EMD: variants seen among roughly 807,000 people sequenced by gnomAD.
EMD encodes the protein emerin.
A neutral mutation model predicts 15.2 loss-of-function variants in EMD; 2 were observed. That is an observed-to-expected ratio of 0.13 (90% CI 0.05 to 0.41). The LOEUF is 0.41. EMD is among the 10% of genes least tolerant of loss of function. EMD has a pLI of 0.99. For missense variants in EMD, 224 were observed against 213.4 expected (o/e 1.05, Z -0.31); for synonymous variants, 122 against 86.2 (o/e 1.42, Z -2.30).
Position 154,380,869 on chromosome X carries a change from T to G in EMD, c.450-13T>G, listed in dbSNP as rs375480222. Reference sequence around the variant, plus strand: ...CAGGCTCCTGGCCCACTTGCTCCCCTCTTTTGCCTCAGGGAACGCCCCATG... The same window carrying G: ...CAGGCTCCTGGCCCACTTGCTCCCCGCTTTTGCCTCAGGGAACGCCCCATG... On this transcript the variant is annotated splice_polypyrimidine_tract_variant and intron_variant, in intron 5 of 5. Coordinates refer to ENST00000369842, the MANE Select transcript of EMD (RefSeq NM_000117.3). 4.1e-6 allele frequency: 5 copies of G among 1,210,393 alleles called. No homozygotes were observed. Among genetic ancestry groups the G allele is most frequent in the Admixed American group, 4.4e-5 (2 of 45,969 alleles).
Position 154,380,918 on chromosome X carries a change from G to A in EMD, c.486G>A (p.Gln162=), listed in dbSNP as rs781879653. The part of the protein sequence containing the change: ...RPMYGRDSAY[Q]SITHYRPVSA... Reference sequence around the variant, plus strand: ...TGTACGGCCGGGACAGTGCCTACCAGAGCATCACGCACTACCGCCCTGTTT... The same window carrying A: ...TGTACGGCCGGGACAGTGCCTACCAAAGCATCACGCACTACCGCCCTGTTT... The change falls in exon 6 of 6, where the codon CAG becomes CAA. Residue 162 remains glutamine (Q), a synonymous_variant. Coordinates refer to ENST00000369842, the MANE Select transcript of EMD (RefSeq NM_000117.3). The A allele has an allele frequency of 2.5e-6, 3 of 1,210,104 alleles. No homozygotes were observed. The African/African-American group carries it at 5.2e-5, about 21-fold the overall frequency.
intron 2 of EMD, 47 bp downstream of exon 2, chrX:154,379,841 G>A (rs1557182334): frequency 8.5e-7 from 1 of 1,176,930 alleles, no homozygotes; most frequent in Admixed American, 2.2e-5. Context: ...GGGAGGATGG[G>A]GTCGCGAGGG....
rs781943158 is a variant in EMD, at chrX:154,380,890, C to T, written c.458C>T (p.Pro153Leu). Residue 153 changes from proline to leucine, a missense_variant, in exon 6 of 6, where the codon CCC becomes CTC. Coordinates refer to ENST00000369842, the MANE Select transcript of EMD (RefSeq NM_000117.3). ...SEEECKDRERPMYGRDSAYQS... is the reference protein window; with the variant it reads ...SEEECKDRERLMYGRDSAYQS... ...CCCCTCTTTTGCCTCAGGGAACGCC[C>T]CATGTACGGCCGGGACAGTGCCTAC... The T allele has an allele frequency of 8.3e-6, 10 of 1,210,515 alleles. No individual in the cohort carries two copies.
In EMD at chrX:154,381,509, C is replaced by T. The variant is rs967796344; in HGVS notation, c.*312C>T. On this transcript the variant is annotated 3_prime_UTR_variant, in exon 6 of 6. Transcript: ENST00000369842. ...GTTTTTGTGGACACACAATAAAAGC[C>T]CCGTTTATTTGTAATGCGTTGGCTC... 10 of 291,339 alleles carry T rather than the reference C, an allele frequency of 3.4e-5. No individual in the cohort carries two copies. The highest frequency in any genetic ancestry group is 5.9e-5 in the Admixed American group (1 of 16,894). 24.0% of individuals were successfully genotyped at this position (291,339 alleles called of 1,213,427 possible). A position where few individuals can be genotyped will look rare whatever the true frequency, so the allele number is the denominator to read the frequency against.
Position 154,379,924 on chromosome X carries a change from C to T in EMD, c.188-18C>T, listed in dbSNP as rs376439797. 2 of 1,205,214 alleles carry T rather than the reference C, an allele frequency of 1.7e-6. No homozygotes were observed. The highest frequency in any genetic ancestry group is 2.2e-6 in the Non-Finnish European group (2 of 891,138). On this transcript the variant is annotated intron_variant, in intron 2 of 5. Coordinates refer to ENST00000369842, the MANE Select transcript of EMD (RefSeq NM_000117.3). Reference sequence around the variant, plus strand: ...AGTCTGGGGGGGCAAACAGTTCTGTCTCCTCCTTTCAATCCAGACTTGAAT... The same window carrying T: ...AGTCTGGGGGGGCAAACAGTTCTGTTTCCTCCTTTCAATCCAGACTTGAAT...
At chrX:154,380,547 G>A (rs1338963102) in intron 4 of EMD, 180 bp downstream of exon 4, 1 of 873,166 alleles carries the variant, frequency 1.1e-6, no homozygotes, top group African/African-American at 2.0e-5. Context: ...GAGTCCTGGG[G>A]GCAAAAGGGG....
At position 154,381,132 on chromosome X, in the gene EMD, G is replaced by A; in HGVS notation, c.700G>A (p.Val234Ile). ...CTGGGGCCAGCTGCTGCTTTTCCTGGTCTTTGTGATCGTCCTCTTCTTCAT... is the reference window on the plus strand; with the variant it reads ...CTGGGGCCAGCTGCTGCTTTTCCTGATCTTTGTGATCGTCCTCTTCTTCAT... Reference protein sequence around the residue: ...PLWGQLLLFLVFVIVLFFIYH... With the variant: ...PLWGQLLLFLIFVIVLFFIYH... Residue 234 changes from valine (V) to isoleucine (I), a missense_variant, in exon 6 of 6, where the codon GTC becomes ATC. Physicochemically the swap from Val to Ile is conservative, Grantham distance 29. Transcript: ENST00000369842. The A allele has an allele frequency of 8.3e-7, 1 of 1,211,920 alleles. No homozygotes were observed. The highest frequency in any genetic ancestry group is 1.1e-6 in the Non-Finnish European group (1 of 895,500).
rs1276729502 is a variant in EMD, at chrX:154,379,451, C to T, written c.-34C>T. ...TCGGCCGGTTTTGGTAGGCCCGGGCCGCCGCCAGGCCTCCGCCTGAGCCCG... is the reference window on the plus strand; with the variant it reads ...TCGGCCGGTTTTGGTAGGCCCGGGCTGCCGCCAGGCCTCCGCCTGAGCCCG... On this transcript the variant is annotated 5_prime_UTR_variant, in exon 1 of 6. Transcript: ENST00000369842. The T allele has an allele frequency of 1.5e-5, 17 of 1,159,173 alleles. No individual in the cohort carries two copies. Among genetic ancestry groups the T allele is most frequent in the Non-Finnish European group, 2.0e-5 (17 of 867,974 alleles).
In EMD at chrX:154,379,677, C is replaced by T. The variant is rs201140396; in HGVS notation, c.83-13C>T. 1.1e-5 allele frequency: 13 copies of T among 1,205,810 alleles called. No individual in the cohort carries two copies. Among genetic ancestry groups the T allele is most frequent in the Non-Finnish European group, 1.5e-5 (13 of 892,160 alleles). ...CCCCGGCCCGCGGCCCTGACCGCCC[C>T]GTGTCCGGCCAGGATCAACTCGTAG... is the stretch of plus-strand genomic sequence containing the variant. On this transcript the variant is annotated splice_polypyrimidine_tract_variant and intron_variant, in intron 1 of 5. Transcript: ENST00000369842.
In EMD at chrX:154,379,586, A is replaced by AGCCCTTCCGGG. The variant is rs1557182226; in HGVS notation, c.82+20_82+21insGCCCTTCCGGG. 1 of 1,170,331 alleles carries AGCCCTTCCGGG rather than the reference A, an allele frequency of 8.5e-7. No homozygotes were observed. The highest frequency in any genetic ancestry group is 1.1e-6 in the Non-Finnish European group (1 of 874,286). ...TAGTAGGTACGCGGCGGCGGGCGGG[A>AGCCCTTCCGGG]CCCCTTCCGGGCCCCCTCCTCGTGC... On this transcript the variant is annotated intron_variant, in intron 1 of 5. Transcript: ENST00000369842.
At position 154,381,450 on chromosome X, in the gene EMD, G is replaced by A. The variant is rs2067888874; in HGVS notation, c.*253G>A. ...ATTCCTCCTTTTGTCATCTTGTTGG[G>A]GGGAGGGGATTAACCAAAGGCCACC... On this transcript the variant is annotated 3_prime_UTR_variant, in exon 6 of 6. Transcript: ENST00000369842. 2.5e-6 allele frequency: 1 copy of A among 394,442 alleles called. No individual in the cohort carries two copies. The highest frequency in any genetic ancestry group is 4.3e-6 in the Non-Finnish European group (1 of 230,621). 32.5% of individuals were successfully genotyped at this position (394,442 alleles called of 1,213,427 possible).
In EMD at chrX:154,381,425, A is replaced by C. The variant is rs956366117; in HGVS notation, c.*228A>C. The C allele has an allele frequency of 7.7e-5, 32 of 416,065 alleles. No individual in the cohort carries two copies. Among genetic ancestry groups the C allele is most frequent in the Middle Eastern group, 6.6e-4 (1 of 1,526 alleles). 34.3% of individuals were successfully genotyped at this position (416,065 alleles called of 1,213,427 possible). On this transcript the variant is annotated 3_prime_UTR_variant, in exon 6 of 6. Transcript: ENST00000369842. ...CCTCTTTGTCATTTTGTTGACATGC[A>C]TTCCTCCTTTTGTCATCTTGTTGGG...
chrX:154,381,475 CCT>C lies in EMD; in HGVS notation c.*279_*280del. 1 of 351,028 alleles carries C rather than the reference CCT, an allele frequency of 2.8e-6. No homozygotes were observed. Among genetic ancestry groups the C allele is most frequent in the Non-Finnish European group, 4.9e-6 (1 of 202,641 alleles). The allele number at this position is 351,028 out of a possible 1,213,427, so 28.9% of individuals were successfully genotyped here. ...GGGGAGGGGATTAACCAAAGGCCAC[CCT>C]GACTTTGTTTTTGTGGACACACAAT... On this transcript the variant is annotated 3_prime_UTR_variant, in exon 6 of 6. Transcript: ENST00000369842.
chrX:154,380,718 C>T, intron 4 of EMD, 35 bp from the exon 5 acceptor site: 2 of 1,208,549 alleles, frequency 1.7e-6, no homozygotes, highest in Non-Finnish European at 2.2e-6. Context: ...GGTGGCCCTG[C>T]CAGCCAGTCC....
rs375480222 is a variant in EMD, at chrX:154,380,869, T to C, written c.450-13T>C. ...CAGGCTCCTGGCCCACTTGCTCCCC[T>C]CTTTTGCCTCAGGGAACGCCCCATG... On this transcript the variant is annotated splice_polypyrimidine_tract_variant and intron_variant, in intron 5 of 5. Coordinates refer to ENST00000369842, the MANE Select transcript of EMD (RefSeq NM_000117.3). 2 of 1,211,829 alleles carry C rather than the reference T, an allele frequency of 1.7e-6. No homozygotes were observed. The highest frequency in any genetic ancestry group is 2.2e-6 in the Non-Finnish European group (2 of 895,457).
intron 4 of EMD, 183 bp from the exon 5 acceptor site, chrX:154,380,570 G>A: frequency 1.2e-6 from 1 of 832,512 alleles, no homozygotes; most frequent in African/African-American, 2.0e-5. Context: ...GCTGGGGCAT[G>A]AGCACAAGTG....
In EMD at chrX:154,381,189, C is replaced by A. The variant is rs2067886922; in HGVS notation, c.757C>A (p.Pro253Thr). ...YHFMQAEEGN[P>T]F ...CTTCATGCAGGCTGAAGAAGGCAACCCCTTCTAGAGGGAGCCATGAGGGTC... is the reference window on the plus strand; with the variant it reads ...CTTCATGCAGGCTGAAGAAGGCAACACCTTCTAGAGGGAGCCATGAGGGTC... Residue 253 changes from proline to threonine, a missense_variant, in exon 6 of 6, where the codon CCC (proline) becomes ACC (threonine). By Grantham distance (38) the Pro-to-Thr change is conservative. Transcript: ENST00000369842. 1.7e-6 allele frequency: 2 copies of A among 1,206,276 alleles called. No homozygotes were observed. The highest frequency in any genetic ancestry group is 2.2e-6 in the Non-Finnish European group (2 of 893,964).
chrX:154,379,655 C>T, intron 1 of EMD, 35 bp from the exon 2 acceptor site: 1 of 1,200,226 alleles, frequency 8.3e-7, no homozygotes, highest in African/African-American at 1.7e-5. Context: ...GCGCCTTCCC[C>T]GGCCCGCGGC....
Position 154,381,147 on chromosome X carries a change from C to T in EMD, c.715C>T (p.Leu239Phe), listed in dbSNP as rs2067886585. ...LLLFLVFVIVLFFIYHFMQAE... is the reference protein window; with the variant it reads ...LLLFLVFVIVFFFIYHFMQAE... ...GCTTTTCCTGGTCTTTGTGATCGTC[C>T]TCTTCTTCATTTACCACTTCATGCA... is the stretch of plus-strand genomic sequence containing the variant. Residue 239 changes from leucine to phenylalanine, a missense_variant, in exon 6 of 6, where the codon CTC (leucine) becomes TTC (phenylalanine). Physicochemically the swap from Leu to Phe is conservative, Grantham distance 22 (BLOSUM62 0). Coordinates refer to ENST00000369842, the MANE Select transcript of EMD (RefSeq NM_000117.3). 1 of 1,211,701 alleles carries T rather than the reference C, an allele frequency of 8.3e-7. No individual in the cohort carries two copies. Among genetic ancestry groups the T allele is most frequent in the African/African-American group, 1.7e-5 (1 of 57,800 alleles).
Sources: gnomAD v4.1 joint callset for allele counts on GRCh38, gnomAD v4.1.1 for gene constraint, MANE v1.5 for transcripts, NCBI Gene and HGNC (gene_info 2026-07-23, HGNC 2026-07-21) for gene names.